Variants in ZG16 observed in about 807,000 individuals in gnomAD.
ZG16 encodes the protein zymogen granule membrane protein 16.
A neutral mutation model predicts 15.6 loss-of-function variants in ZG16; 9 were observed. That is an observed-to-expected ratio of 0.58 (90% CI 0.35 to 1.00). The LOEUF (loss-of-function observed/expected upper bound fraction) is 1.00, where lower values mean the gene tolerates loss of function less well. Ranked by LOEUF, ZG16 falls within the 50% of genes least tolerant of loss-of-function variation. ZG16 has a pLI of 0.02. For synonymous variants in ZG16, 89 were observed against 87.4 expected (o/e 1.02, Z -0.10); for missense variants, 174 against 214.8 (o/e 0.81, Z 1.19).
chr16:29,779,334 C>A lies in ZG16; in HGVS notation c.55+13C>A. On this transcript the variant is annotated intron_variant, in intron 2 of 3. Transcript: ENST00000400752. ...TCTGGCAATGCCAGTAAGTGAGATA[C>A]CAGGAGCCTGGTATTGGGGACTTGG... The A allele has an allele frequency of 6.5e-7, 1 of 1,537,412 alleles. No homozygotes were observed. Among genetic ancestry groups the A allele is most frequent in the Non-Finnish European group, 8.7e-7 (1 of 1,146,850 alleles).
chr16:29,782,808 A>C lies in ZG16; in HGVS notation c.*2389A>C, dbSNP rs961764141. On this transcript the variant is annotated 3_prime_UTR_variant, in exon 4 of 4. Coordinates refer to ENST00000400752, the MANE Select transcript of ZG16 (RefSeq NM_152338.4). ...CCGAACGGAGGGACTGGCTGGAGCC[A>C]CAGCTGAGGAACATAAATTGTGAAG... The C allele has an allele frequency of 6.5e-6, 1 of 152,804 alleles. No individual in the cohort carries two copies. Among genetic ancestry groups the C allele is most frequent in the Non-Finnish European group, 1.5e-5 (1 of 68,040 alleles). 9.5% of individuals were successfully genotyped at this position (152,804 alleles called of 1,614,324 possible). A position where few individuals can be genotyped will look rare whatever the true frequency, so the allele number is the denominator to read the frequency against.
In ZG16 at chr16:29,780,750, C is replaced by G. The variant is rs750168206; in HGVS notation, c.*331C>G. On this transcript the variant is annotated 3_prime_UTR_variant, in exon 4 of 4. Transcript: ENST00000400752. ...TTGGAACATTGATCCAAACTGGAGT[C>G]ATGGGTCTGAGGGCAAGGCCTAGTT... The G allele has an allele frequency of 3.9e-6, 1 of 254,092 alleles. No homozygotes were observed. Among genetic ancestry groups the G allele is most frequent in the Non-Finnish European group, 7.5e-6 (1 of 132,646 alleles). 15.7% of individuals were successfully genotyped at this position (254,092 alleles called of 1,614,324 possible).
chr16:29,779,447 T>A, intron 2 of ZG16, 58 bp from the exon 3 acceptor site: 1 of 1,534,558 alleles, frequency 6.5e-7, no homozygotes, highest in Non-Finnish European at 8.7e-7. Context: ...ACAGGGGTGA[T>A]GCAGAGAAAC....
At chr16:29,779,730 G>A (rs946992264) in intron 3 of ZG16, 93 bp downstream of exon 3, 6 of 1,437,778 alleles carry the variant, frequency 4.2e-6, no homozygotes, top group Middle Eastern at 2.2e-4. Flanking sequence ...GAGGCCAGGA[G>A]TTCTAGCTCA....
Position 29,780,356 on chromosome 16 carries a change from T to G in ZG16, c.441T>G (p.Gly147=), listed in dbSNP as rs1280924401. 1 of 1,537,268 alleles carries G rather than the reference T, an allele frequency of 6.5e-7. No individual in the cohort carries two copies. ...TCCGCTTCATCAGTGGCCGGTCTGG[T>G]TCTCTCATCGATGCCATTGGCCTGC... ...TVLRFISGRS[G]SLIDAIGLHW... is the part of the protein sequence containing the mutation. The change falls in exon 4 of 4, where the codon GGT becomes GGG. Residue 147 remains glycine, a synonymous_variant. Coordinates refer to ENST00000400752, the MANE Select transcript of ZG16 (RefSeq NM_152338.4).
rs186444099 is a variant in ZG16, at chr16:29,782,748, T to C, written c.*2329T>C. The C allele has an allele frequency of 6.5e-6, 1 of 152,936 alleles. No individual in the cohort carries two copies. The highest frequency in any genetic ancestry group is 6.5e-5 in the Admixed American group (1 of 15,288). The allele number at this position is 152,936 out of a possible 1,614,324, so 9.5% of individuals were successfully genotyped here. A position where few individuals can be genotyped will look rare whatever the true frequency, so the allele number is the denominator to read the frequency against. On this transcript the variant is annotated 3_prime_UTR_variant, in exon 4 of 4. Coordinates refer to ENST00000400752, the MANE Select transcript of ZG16 (RefSeq NM_152338.4). The stretch of plus-strand genomic sequence containing the variant: ...CCATCCAATTGGTTCTATAAACAGA[T>C]ATGGTGGCCCAACTGTTGCGGGAAG...
chr16:29,779,181 G>A (rs1054585962), intron 1 of ZG16, 79 bp from the exon 2 acceptor site: 5 of 1,402,204 alleles, frequency 3.6e-6, no homozygotes, highest in South Asian at 2.5e-5. Context: ...GGTCTGAGCT[G>A]CAGGTCAGGA....
intron 1 of ZG16, among the ~76,000 whole-genome samples, chr16:29,778,707 C>T (rs536533157): frequency 2.8e-4 from 43 of 152,292 alleles, no homozygotes; most frequent in Admixed American, 1.6e-3. Flanking sequence ...CTCTAAAATG[C>T]TTCTTTCCTT....
rs62054954 is a variant in ZG16 at position 29,781,410 on chromosome 16, T to C, written c.*991T>C. Reference sequence around the variant, plus strand: ...CTCAAAAGAGATAGAAGAGGATGGTTATGTAGTTGGGGAAAGAAATTTTAA... The same window carrying C: ...CTCAAAAGAGATAGAAGAGGATGGTCATGTAGTTGGGGAAAGAAATTTTAA... On this transcript the variant is annotated 3_prime_UTR_variant, in exon 4 of 4. Coordinates refer to ENST00000400752, the MANE Select transcript of ZG16 (RefSeq NM_152338.4). 0.021 allele frequency: 3,269 copies of C among 152,246 alleles called. 101 individuals are homozygous for C. Among genetic ancestry groups the C allele is most frequent in the East Asian group, 0.11 (591 of 5,178 alleles). The allele number at this position is 152,246 out of a possible 1,614,324, so 9.4% of individuals were successfully genotyped here. A position where few individuals can be genotyped will look rare whatever the true frequency, so the allele number is the denominator to read the frequency against.
chr16:29,782,509 A>C lies in ZG16; in HGVS notation c.*2090A>C, dbSNP rs1359082579. 1 of 152,350 alleles carries C rather than the reference A, an allele frequency of 6.6e-6. No homozygotes were observed. The highest frequency in any genetic ancestry group is 2.4e-5 in the African/African-American group (1 of 41,576). 9.4% of individuals were successfully genotyped at this position (152,350 alleles called of 1,614,324 possible). A position where few individuals can be genotyped will look rare whatever the true frequency, so the allele number is the denominator to read the frequency against. On this transcript the variant is annotated 3_prime_UTR_variant, in exon 4 of 4. Coordinates refer to ENST00000400752, the MANE Select transcript of ZG16 (RefSeq NM_152338.4). ...TCCCTGTTACCACTTTGAAGGTCTC[A>C]GTGTGTATGCAGGTCCTGAAAAGTT... is the stretch of plus-strand genomic sequence containing the variant.
rs1898592921 is a variant in ZG16 at position 29,779,312 on chromosome 16, G to A, written c.46G>A (p.Gly16Ser). Residue 16 changes from glycine to serine, a missense_variant, in exon 2 of 4, where the codon GGC becomes AGC. Transcript: ENST00000400752. ...AGCCCTTCTCTGTGCCTCAGCCTCT[G>A]GCAATGCCAGTAAGTGAGATACCAG... ...LLALLCASAS[G>S]NAIQARSSSY... 6.5e-7 allele frequency: 1 copy of A among 1,537,572 alleles called. No homozygotes were observed. Among genetic ancestry groups the A allele is most frequent in the South Asian group, 1.2e-5 (1 of 84,060 alleles).
Position 29,779,488 on chromosome 16 carries a change from C to G in ZG16, c.56-17C>G. 6.5e-7 allele frequency: 1 copy of G among 1,536,218 alleles called. No individual in the cohort carries two copies. The highest frequency in any genetic ancestry group is 8.7e-7 in the Non-Finnish European group (1 of 1,146,102). ...TCCTGGAAGATTTCTCCCTCCAACT[C>G]CTGCTTGCCCCTCCAGTTCAGGCCA... On this transcript the variant is annotated splice_polypyrimidine_tract_variant and intron_variant, in intron 2 of 3. Coordinates refer to ENST00000400752, the MANE Select transcript of ZG16 (RefSeq NM_152338.4).
chr16:29,780,212 G>C lies in ZG16; in HGVS notation c.297G>C (p.Gly99=), dbSNP rs1320233035. The C allele has an allele frequency of 2.0e-6, 3 of 1,537,312 alleles. No individual in the cohort carries two copies. The highest frequency in any genetic ancestry group is 2.6e-6 in the Non-Finnish European group (3 of 1,146,942). The change falls in exon 4 of 4, where the codon GGG becomes GGC. Residue 99 remains glycine (G), a synonymous_variant. Coordinates refer to ENST00000400752, the MANE Select transcript of ZG16 (RefSeq NM_152338.4). ...HPGESVIQVS[G]KYKWYLKKLV... ...GGGAATCAGTGATCCAGGTTTCTGGGAAGTACAAGTGGTACCTGAAGAAGC... is the reference window on the plus strand; with the variant it reads ...GGGAATCAGTGATCCAGGTTTCTGGCAAGTACAAGTGGTACCTGAAGAAGC...
At chr16:29,778,980 G>A (rs1201824983) in intron 1 of ZG16, among the ~76,000 whole-genome samples, 6 of 152,210 alleles carry the variant, frequency 3.9e-5, no homozygotes, top group Non-Finnish European at 7.3e-5. Flanking sequence ...GCTTAATCCA[G>A]ATAGTTAGAG....
Position 29,780,517 on chromosome 16 carries a change from C to A in ZG16, c.*98C>A. 1 of 1,163,698 alleles carries A rather than the reference C, an allele frequency of 8.6e-7. No individual in the cohort carries two copies. Among genetic ancestry groups the A allele is most frequent in the Non-Finnish European group, 1.2e-6 (1 of 847,988 alleles). 72.1% of individuals were successfully genotyped at this position (1,163,698 alleles called of 1,614,324 possible). ...CTCAATAAAAAAAATATGGTTAAGG[C>A]TAGTCTGTGTGGGGGCATCTGTGGC... On this transcript the variant is annotated 3_prime_UTR_variant, in exon 4 of 4. Coordinates refer to ENST00000400752, the MANE Select transcript of ZG16 (RefSeq NM_152338.4).
chr16:29,780,792 C>T lies in ZG16; in HGVS notation c.*373C>T. 5.3e-6 allele frequency: 1 copy of T among 187,244 alleles called. No individual in the cohort carries two copies. The highest frequency in any genetic ancestry group is 1.5e-4 in the East Asian group (1 of 6,648). The allele number at this position is 187,244 out of a possible 1,614,324, so 11.6% of individuals were successfully genotyped here. A position where few individuals can be genotyped will look rare whatever the true frequency, so the allele number is the denominator to read the frequency against. ...GGCCTAGTTGTGGCTTACACCAAAA[C>T]CCCAGATGTCCCACTCTCCAGCTCT... On this transcript the variant is annotated 3_prime_UTR_variant, in exon 4 of 4. Transcript: ENST00000400752.
rs2142353644 is a variant in ZG16, at chr16:29,780,193, C to G, written c.278C>G (p.Ser93Ter). 1.3e-6 allele frequency: 2 copies of G among 1,537,336 alleles called. No homozygotes were observed. The highest frequency in any genetic ancestry group is 4.9e-5 in the East Asian group (2 of 40,910). The change falls in exon 4 of 4, where the codon TCA becomes TGA. Residue 93 changes from serine (S) to a stop codon, truncating the protein, a stop_gained. Transcript: ENST00000400752. LOFTEE classifies it high-confidence loss of function. ...LEEIFLHPGESVIQVSGKYKW... is the reference protein window; with the variant it reads ...LEEIFLHPGE ...GAGATCTTTCTGCACCCTGGGGAAT[C>G]AGTGATCCAGGTTTCTGGGAAGTAC...
At position 29,780,497 on chromosome 16, in the gene ZG16, TA is replaced by T. The variant is rs35586094; in HGVS notation, c.*86del. ...ACTAACCCCCATCCAAATGGCTCAA[TA>T]AAAAAAATATGGTTAAGGCTAGTCT... is the stretch of plus-strand genomic sequence containing the variant. On this transcript the variant is annotated 3_prime_UTR_variant, in exon 4 of 4. Transcript: ENST00000400752. 0.98 allele frequency: 1,203,562 copies of T among 1,230,254 alleles called. 592,222 individuals are homozygous for T. The highest frequency in any genetic ancestry group is 1 in the Non-Finnish European group (906,854 of 907,370). 76.2% of individuals were successfully genotyped at this position (1,230,254 alleles called of 1,614,324 possible).
Position 29,779,332 on chromosome 16 carries a change from T to C in ZG16, c.55+11T>C. 6.5e-7 allele frequency: 1 copy of C among 1,537,550 alleles called. No individual in the cohort carries two copies. Among genetic ancestry groups the C allele is most frequent in the Non-Finnish European group, 8.7e-7 (1 of 1,146,920 alleles). On this transcript the variant is annotated intron_variant, in intron 2 of 3. Transcript: ENST00000400752. ...CCTCTGGCAATGCCAGTAAGTGAGA[T>C]ACCAGGAGCCTGGTATTGGGGACTT...
Sources: gnomAD v4.1 joint callset for allele counts (sites outside exome capture counted in the v4.1 genomes callset) on GRCh38, gnomAD v4.1.1 for gene constraint, MANE v1.5 for transcripts, NCBI Gene and HGNC (gene_info 2026-07-23, HGNC 2026-07-21) for gene names.